The following ENPP1 variants were observed in gnomAD, a reference collection of about 807,000 sequenced individuals.
The protein encoded by ENPP1 is ectonucleotide pyrophosphatase/phosphodiesterase 1.
In ENPP1, 73 loss-of-function variants were observed where a neutral mutation model predicts 122.8. The observed-to-expected ratio is 0.59, with a 90% CI of 0.49 to 0.72. The LOEUF (loss-of-function observed/expected upper bound fraction) is 0.72. Among genes scored for constraint, ENPP1 ranks in the 30% least tolerant of loss-of-function variants. ENPP1 has a pLI of 0.00. For missense variants in ENPP1, 978 were observed against 1,128.1 expected (o/e 0.87, Z 1.91); for synonymous variants, 367 against 391.6 (o/e 0.94, Z 0.74).
At chr6:131,812,284 C>G (rs2114648583) in intron 1 of ENPP1, among the ~76,000 whole-genome samples, 1 of 152,252 alleles carries the variant, frequency 6.6e-6, no homozygotes, top group Non-Finnish European at 1.5e-5. Flanking sequence ...TGAAGGTAAC[C>G]AAATGAATAT....
In ENPP1 at chr6:131,851,291, A is replaced by G. The variant is rs755121158; in HGVS notation, c.556+24A>G. On this transcript the variant is annotated intron_variant, in intron 4 of 24. Coordinates refer to ENST00000647893, the MANE Select transcript of ENPP1 (RefSeq NM_006208.3). ...AGGTCAGGTGCTCGTTGGGCTCTGCAGCAGCCTGGTATCTTCCAGCGTCTT... is the reference window on the plus strand; with the variant it reads ...AGGTCAGGTGCTCGTTGGGCTCTGCGGCAGCCTGGTATCTTCCAGCGTCTT... The G allele has an allele frequency of 3.7e-6, 6 of 1,613,910 alleles. No individual in the cohort carries two copies. In the Admixed American group the frequency reaches 5.0e-5, roughly 13 times the overall value.
intron 6 of ENPP1, among the ~76,000 whole-genome samples, chr6:131,856,111 T>C (rs1384955643): frequency 6.6e-6 from 1 of 152,192 alleles, no homozygotes; most frequent in Non-Finnish European, 1.5e-5. Context: ...AATTTCTACA[T>C]GGAAGAAGAT....
At chr6:131,811,434 A>ATCTATATC (rs567977915) in intron 1 of ENPP1, among the ~76,000 whole-genome samples, 1 of 147,884 alleles carries the variant, frequency 6.8e-6, no homozygotes, top group Non-Finnish European at 1.5e-5. Context: ...CTATATCTAT[A>ATCTATATC]TATATGTAGA....
chr6:131,808,220 A>C lies in ENPP1; in HGVS notation c.185A>C (p.Lys62Thr), dbSNP rs1562505036. 1 of 1,514,524 alleles carries C rather than the reference A, an allele frequency of 6.6e-7. No homozygotes were observed. Among genetic ancestry groups the C allele is most frequent in the African/African-American group, 1.4e-5 (1 of 69,708 alleles). The allele number at this position is 1,514,524 out of a possible 1,614,324, so 93.8% of individuals were successfully genotyped here. Residue 62 changes from lysine to threonine, a missense_variant, in exon 1 of 25, where the codon AAG becomes ACG. Coordinates refer to ENST00000647893, the MANE Select transcript of ENPP1 (RefSeq NM_006208.3). ...PMDVGEEPLE[K>T]AARARTAKDP... is the part of the protein sequence containing the mutation. ...GACGTGGGGGAGGAGCCGCTGGAGA[A>C]GGCGGCGCGCGCCCGCACTGCCAAG...
intron 20 of ENPP1, 148 bp downstream of exon 20, chr6:131,880,182 T>G (rs1043715114): frequency 5.8e-6 from 5 of 867,342 alleles, no homozygotes; most frequent in Middle Eastern, 2.3e-4. Context: ...AAAAATTCAG[T>G]TCCAGTTCAA....
rs1782461330 is a variant in ENPP1, at chr6:131,890,910, C to T, written c.*399C>T. 1.1e-5 allele frequency: 2 copies of T among 179,428 alleles called. No individual in the cohort carries two copies. The highest frequency in any genetic ancestry group is 4.8e-5 in the African/African-American group (2 of 41,982). The allele number at this position is 179,428 out of a possible 1,614,324, so 11.1% of individuals were successfully genotyped here. On this transcript the variant is annotated 3_prime_UTR_variant, in exon 25 of 25. Coordinates refer to ENST00000647893, the MANE Select transcript of ENPP1 (RefSeq NM_006208.3). Reference sequence around the variant, plus strand: ...TAGACTTATAGTAGGGTTGGGGTAGCCCATGTTATGTGACTATCTTTATGA... The same window carrying T: ...TAGACTTATAGTAGGGTTGGGGTAGTCCATGTTATGTGACTATCTTTATGA...
chr6:131,844,618 C>T (rs73539606), intron 1 of ENPP1, among the ~76,000 whole-genome samples: 4,152 of 152,192 alleles, frequency 0.027, 222 homozygotes, highest in African/African-American at 0.096. Flanking sequence ...GGTAATAATG[C>T]TGGAAGTGAA....
rs746616729 is a variant in ENPP1 at position 131,884,975 on chromosome 6, GAAGA to G, written c.2363_2366del (p.Arg788MetfsTer22). ...TGACACCCTACTGCGAAAGTATGCT[GAAGA>G]AAGAAATGGTGTCAATGTCGTCAGT... On this transcript the variant is annotated frameshift_variant, in exon 23 of 25. Transcript: ENST00000647893. LOFTEE classifies it high-confidence loss of function. 1.2e-6 allele frequency: 2 copies of G among 1,614,002 alleles called. No individual in the cohort carries two copies. Among genetic ancestry groups the G allele is most frequent in the South Asian group, 1.1e-5 (1 of 91,078 alleles).
rs113083049 is a variant in ENPP1 at position 131,891,209 on chromosome 6, T to TG, written c.*698_*699insG. ...ATAAAATCTTACTTTGTATTTGTATTTAAAAAAGAAAAATATTCCTATCCT... is the reference window on the plus strand; with the variant it reads ...ATAAAATCTTACTTTGTATTTGTATTGTAAAAAAGAAAAATATTCCTATCCT... On this transcript the variant is annotated 3_prime_UTR_variant, in exon 25 of 25. Transcript: ENST00000647893. The TG allele has an allele frequency of 4.6e-5, 7 of 152,218 alleles. No homozygotes were observed. The highest frequency in any genetic ancestry group is 2.6e-4 in the Admixed American group (4 of 15,296). 9.4% of individuals were successfully genotyped at this position (152,218 alleles called of 1,614,324 possible). A position where few individuals can be genotyped will look rare whatever the true frequency, so the allele number is the denominator to read the frequency against.
At chr6:131,884,064 C>T (rs1232671463) in intron 22 of ENPP1, among the ~76,000 whole-genome samples, 4 of 152,100 alleles carry the variant, frequency 2.6e-5, no homozygotes, top group Admixed American at 6.6e-5. Flanking sequence ...AACTTTCATT[C>T]GGCTTCCTTA....
At chr6:131,878,658 C>A in intron 19 of ENPP1, 65 bp downstream of exon 19, 3 of 1,178,864 alleles carry the variant, frequency 2.5e-6, no homozygotes, top group Non-Finnish European at 3.8e-6. Flanking sequence ...GTGTGAAATG[C>A]AGAGAACTGG....
At chr6:131,830,727 C>G (rs1562513337) in intron 1 of ENPP1, among the ~76,000 whole-genome samples, 1 of 151,628 alleles carries the variant, frequency 6.6e-6, no homozygotes, top group Admixed American at 6.6e-5. Context: ...GTATTACATG[C>G]AAAAAGATGA....
chr6:131,859,384 CTT>C (rs557550057), intron 7 of ENPP1, among the ~76,000 whole-genome samples: 1 of 145,436 alleles, frequency 6.9e-6, no homozygotes, highest in Non-Finnish European at 1.5e-5. Flanking sequence ...CAGAGGCTAC[CTT>C]TTTTTTTTTT....
chr6:131,808,542 T>G (rs1296005504), intron 1 of ENPP1, among the ~76,000 whole-genome samples: 3 of 152,208 alleles, frequency 2.0e-5, no homozygotes, highest in Non-Finnish European at 4.4e-5. Flanking sequence ...ACGGTCATCC[T>G]TAGAAATACT....
chr6:131,825,883 A>G (rs1234735749), intron 1 of ENPP1: 2 of 296,502 alleles, frequency 6.7e-6, no homozygotes, highest in East Asian at 6.1e-5. Flanking sequence ...ATAGTCACCC[A>G]TTTTTCATCT....
At chr6:131,808,880 G>T (rs1275998246) in intron 1 of ENPP1, among the ~76,000 whole-genome samples, 1 of 152,150 alleles carries the variant, frequency 6.6e-6, no homozygotes, top group Non-Finnish European at 1.5e-5. Context: ...GAGGCTACAC[G>T]GTTTGTGTTG....
intron 1 of ENPP1, among the ~76,000 whole-genome samples, chr6:131,811,591 A>G (rs1166341260): frequency 6.6e-6 from 1 of 152,114 alleles, no homozygotes; most frequent in East Asian, 1.9e-4. Context: ...TCAAGCATTC[A>G]TGTTACAATA....
chr6:131,817,954 A>G (rs1449858469), intron 1 of ENPP1, among the ~76,000 whole-genome samples: 1 of 151,940 alleles, frequency 6.6e-6, no homozygotes, highest in East Asian at 1.9e-4. Context: ...GCTGGCAAAC[A>G]TCCTATAACA....
intron 6 of ENPP1, 56 bp downstream of exon 6, chr6:131,855,079 G>C (rs1476852180): frequency 2.4e-6 from 3 of 1,234,166 alleles, no homozygotes; most frequent in Non-Finnish European, 1.2e-6. Flanking sequence ...AGATTGACTA[G>C]GCAGGCAGTC....
Sources: allele counts gnomAD v4.1 joint callset (sites outside exome capture counted in the v4.1 genomes callset), GRCh38; gene constraint gnomAD v4.1.1; transcripts MANE v1.5; gene names NCBI Gene and HGNC (gene_info 2026-07-23, HGNC 2026-07-21).